RGS6: variants seen among roughly 807,000 people sequenced by gnomAD.
The protein encoded by RGS6 is regulator of G-protein signaling 6.
In RGS6, 30 loss-of-function variants were observed where a neutral mutation model predicts 78.5. The observed-to-expected ratio is 0.38, with a 90% CI of 0.29 to 0.52. RGS6 has a LOEUF of 0.52. RGS6 is among the 20% of genes least tolerant of loss of function. The probability of loss-of-function intolerance (pLI) is 0.85; values close to 1 mark genes in which losing one functional copy is unlikely to be tolerated. For synonymous variants in RGS6, 206 were observed against 206.0 expected (o/e 1.00, Z 0.00); for missense variants, 495 against 609.7 (o/e 0.81, Z 1.98).
At chr14:72,444,655 T>C (rs1284616822) in intron 3 of RGS6, among the ~76,000 whole-genome samples, 1 of 152,242 alleles carries the variant, frequency 6.6e-6, no homozygotes, top group Non-Finnish European at 1.5e-5. Context: ...TTCCTCCTTC[T>C]CCATCCCAGC....
chr14:72,541,732 C>G (rs941954676), intron 17 of RGS6: 8 of 1,148,170 alleles, frequency 7.0e-6, no homozygotes, highest in Middle Eastern at 3.0e-4. Flanking sequence ...GTAAGCAGAG[C>G]CTTGACAGCC....
intron 6 of RGS6, among the ~76,000 whole-genome samples, chr14:72,461,559 G>A (rs2095782924): frequency 6.6e-6 from 1 of 152,126 alleles, no homozygotes; most frequent in Admixed American, 6.5e-5. Flanking sequence ...AGGCATGGTG[G>A]TGCATACCTG....
intron 2 of RGS6, among the ~76,000 whole-genome samples, chr14:72,336,862 C>T (rs538477980): frequency 6.6e-6 from 1 of 151,998 alleles, no homozygotes; most frequent in Non-Finnish European, 1.5e-5. Flanking sequence ...GACTTTGCCC[C>T]CTGTGTTTCT....
chr14:72,220,489 A>G (rs986159894), intron 2 of RGS6, among the ~76,000 whole-genome samples: 26 of 152,194 alleles, frequency 1.7e-4, no homozygotes, highest in African/African-American at 5.6e-4. Context: ...GCTATTTAAC[A>G]TAGTTGAGTT....
At chr14:71,868,519 C>T in the RGS6 span, among the ~76,000 whole-genome samples, 1 of 152,180 alleles carries the variant, frequency 6.6e-6, no homozygotes. Flanking sequence ...GTTGACCATA[C>T]TGTTTTACAT....
At chr14:71,885,865 A>G in the RGS6 span, among the ~76,000 whole-genome samples, 2 of 151,754 alleles carry the variant, frequency 1.3e-5, no homozygotes, top group Non-Finnish European at 2.9e-5. Flanking sequence ...GTTTAATACT[A>G]GTGAGATAAA....
chr14:72,202,093 A>G (rs1034127221), intron 2 of RGS6, among the ~76,000 whole-genome samples: 3 of 152,220 alleles, frequency 2.0e-5, no homozygotes, highest in African/African-American at 7.2e-5. Flanking sequence ...CCTCTTCATG[A>G]TGAAGTATTA....
At chr14:71,925,882 A>G in the RGS6 span, among the ~76,000 whole-genome samples, 1 of 152,112 alleles carries the variant, frequency 6.6e-6, no homozygotes, top group Non-Finnish European at 1.5e-5. Flanking sequence ...TGATCTATCA[A>G]AAATAAATTA....
At chr14:71,883,187 G>A in the RGS6 span, among the ~76,000 whole-genome samples, 1 of 152,158 alleles carries the variant, frequency 6.6e-6, no homozygotes, top group Non-Finnish European at 1.5e-5. Flanking sequence ...TTTTCTAAAT[G>A]CTATCTTCAT....
At chr14:72,445,814 T>C (rs1405001623) in intron 3 of RGS6, among the ~76,000 whole-genome samples, 1 of 152,238 alleles carries the variant, frequency 6.6e-6, no homozygotes, top group African/African-American at 2.4e-5. Context: ...ATGGGTTGAA[T>C]TATGTTCTCT....
At chr14:72,008,874 A>G (rs1048735317) in intron 2 of RGS6, among the ~76,000 whole-genome samples, 4 of 152,248 alleles carry the variant, frequency 2.6e-5, no homozygotes, top group African/African-American at 9.6e-5. Context: ...ACTTCTTGCA[A>G]AATTGGCTTG....
chr14:72,629,882 C>A, the RGS6 span: 3 of 659,882 alleles, frequency 4.5e-6, no homozygotes, highest in Non-Finnish European at 8.0e-6. Flanking sequence ...CCAAACAGGG[C>A]CCTACCCACA....
intron 2 of RGS6, among the ~76,000 whole-genome samples, chr14:72,107,976 A>G (rs1194151703): frequency 1.3e-5 from 2 of 152,170 alleles, no homozygotes; most frequent in Non-Finnish European, 2.9e-5. Flanking sequence ...TTTATCAGGT[A>G]ATAGTTATTA....
intron 14 of RGS6, among the ~76,000 whole-genome samples, chr14:72,514,682 C>T (rs2096918869): frequency 6.6e-6 from 1 of 152,256 alleles, no homozygotes. Flanking sequence ...CAGGTCAGGA[C>T]AGGTGGTCTC....
chr14:72,182,676 G>A (rs1281831983), intron 2 of RGS6, among the ~76,000 whole-genome samples: 1 of 152,160 alleles, frequency 6.6e-6, no homozygotes, highest in Non-Finnish European at 1.5e-5. Flanking sequence ...AAAATATGAT[G>A]TTTTTAAAGA....
intron 3 of RGS6, among the ~76,000 whole-genome samples, chr14:72,437,369 A>G (rs1403449294): frequency 1.3e-5 from 2 of 151,084 alleles, no homozygotes; most frequent in African/African-American, 4.9e-5. Flanking sequence ...AAAAGGAAAA[A>G]AAAAATCACA....
rs2087991612 is a variant in RGS6 at position 71,932,548 on chromosome 14, ACCT to A, written c.-411_-409del. The A allele has an allele frequency of 6.6e-6, 1 of 152,012 alleles. No individual in the cohort carries two copies. Among genetic ancestry groups the A allele is most frequent in the Non-Finnish European group, 1.5e-5 (1 of 68,014 alleles). 9.4% of individuals were successfully genotyped at this position (152,012 alleles called of 1,614,324 possible). On this transcript the variant is annotated 5_prime_UTR_variant, in exon 1 of 18. Transcript: ENST00000553525. ...CGCCAGGCGCCGAGGGAACGGACAG[ACCT>A]CCGCGCACCCTTGCCGACCGGGGCG...
intron 2 of RGS6, among the ~76,000 whole-genome samples, chr14:71,980,660 G>C (rs1281581258): frequency 2.5e-5 from 2 of 81,016 alleles, no homozygotes; most frequent in Non-Finnish European, 4.8e-5. Context: ...TCCCTTTGAG[G>C]GTAACCCGAC....
chr14:71,874,455 G>A, the RGS6 span, among the ~76,000 whole-genome samples: 1 of 152,136 alleles, frequency 6.6e-6, no homozygotes, highest in Non-Finnish European at 1.5e-5. Context: ...TTTGTTGGTG[G>A]TGTATAGGAA....
Sources: allele counts gnomAD v4.1 joint callset (sites outside exome capture counted in the v4.1 genomes callset), GRCh38; gene constraint gnomAD v4.1.1; transcripts MANE v1.5; gene names NCBI Gene and HGNC (gene_info 2026-07-23, HGNC 2026-07-21).